Variants in PCDH11X observed in about 807,000 individuals in gnomAD.
The protein encoded by PCDH11X is protocadherin 11 X-linked.
A neutral mutation model predicts 53.3 loss-of-function variants in PCDH11X; 18 were observed. The ratio of observed to expected loss-of-function variants is 0.34; its 90% CI spans 0.23 to 0.50. PCDH11X has a LOEUF of 0.50. Ranked by LOEUF, PCDH11X falls within the 20% of genes least tolerant of loss-of-function variation. PCDH11X has a pLI of 0.98. For synonymous variants in PCDH11X, 279 were observed against 393.3 expected (o/e 0.71, Z 3.44); for missense variants, 570 against 1,032.4 (o/e 0.55, Z 6.14).
chrX:92,618,616 C>G lies in PCDH11X; in HGVS notation c.3720C>G (p.Ala1240=). 1.7e-6 allele frequency: 2 copies of G among 1,212,018 alleles called. No homozygotes were observed. The highest frequency in any genetic ancestry group is 2.2e-6 in the Non-Finnish European group (2 of 895,526). ...ALHHSPPSAQ[A]SALCYSPPLA... ...ACCACAGCCCACCATCAGCACAGGC[C>G]TCAGCCCTCTGCTACAGCCCTCCTT... The change falls in exon 11 of 11, where the codon GCC becomes GCG. Residue 1240 remains alanine, a synonymous_variant. Transcript: ENST00000682573.
chrX:92,070,405 T>G (rs2063681971), intron 6 of PCDH11X, among the ~76,000 whole-genome samples: 1 of 111,886 alleles, frequency 8.9e-6, no homozygotes, highest in Admixed American at 9.5e-5. Context: ...TATTTCTCCT[T>G]CATGCTTACA....
intron 7 of PCDH11X, among the ~76,000 whole-genome samples, chrX:92,253,599 T>C (rs2067502713): frequency 8.9e-6 from 1 of 112,091 alleles, no homozygotes. Flanking sequence ...ATTTTTGGTG[T>C]CCTCTTCAAT....
At chrX:91,943,724 A>G (rs1368015578) in intron 6 of PCDH11X, among the ~76,000 whole-genome samples, 2 of 98,760 alleles carry the variant, frequency 2.0e-5, no homozygotes, top group Non-Finnish European at 4.1e-5. Flanking sequence ...TTAGAAGTTA[A>G]CAACACAATC....
intron 10 of PCDH11X, among the ~76,000 whole-genome samples, chrX:92,526,087 C>T (rs2074448632): frequency 9.0e-6 from 1 of 111,245 alleles, no homozygotes; most frequent in Non-Finnish European, 1.9e-5. Context: ...AAATAAAATT[C>T]ATTCTTAATT....
intron 10 of PCDH11X, among the ~76,000 whole-genome samples, chrX:92,516,043 C>T (rs1377979497): frequency 1.8e-5 from 2 of 111,864 alleles, no homozygotes; most frequent in Non-Finnish European, 3.8e-5. Flanking sequence ...TGCTTATAAG[C>T]TTCTATTTTA....
chrX:92,472,709 A>G (rs1394038947), intron 10 of PCDH11X, among the ~76,000 whole-genome samples: 1 of 110,951 alleles, frequency 9.0e-6, no homozygotes, highest in African/African-American at 3.3e-5. Flanking sequence ...ACATTGTTTT[A>G]GGCAGGATGA....
intron 8 of PCDH11X, among the ~76,000 whole-genome samples, chrX:92,281,493 G>A (rs1327916797): frequency 1.8e-5 from 2 of 112,186 alleles, no homozygotes; most frequent in Admixed American, 9.5e-5. Context: ...TACTAAGTTG[G>A]ATCTGGAAAT....
chrX:91,942,529 A>T (rs1330700456), intron 6 of PCDH11X, among the ~76,000 whole-genome samples: 5 of 110,890 alleles, frequency 4.5e-5, no homozygotes, highest in African/African-American at 1.3e-4. Context: ...TAAGCTGATT[A>T]GTCCTATATC....
At position 92,167,230 on chromosome X, in the gene PCDH11X, A is replaced by C. The variant is rs766617264; in HGVS notation, c.3034-34145A>C. ...TAAAACTGGAAGTTATATTGCTGACAGGGAATCTTCTCTTAAGAACTTTAA... is the reference window on the plus strand; with the variant it reads ...TAAAACTGGAAGTTATATTGCTGACCGGGAATCTTCTCTTAAGAACTTTAA... On this transcript the variant is annotated intron_variant, in intron 6 of 10. Transcript: ENST00000682573. 1.1e-4 allele frequency among the ~76,000 whole-genome samples: 12 copies of C among 111,612 alleles called. 1 individual carries two copies. Among genetic ancestry groups the C allele is most frequent in the Middle Eastern group, 9.3e-3 (2 of 215 alleles).
At chrX:92,448,162 C>A (rs768123796) in intron 9 of PCDH11X, among the ~76,000 whole-genome samples, 1 of 104,356 alleles carries the variant, frequency 9.6e-6, no homozygotes, top group Admixed American at 1.0e-4. Flanking sequence ...GGACTGTGGA[C>A]TTTTGAGTTA....
At chrX:92,196,543 C>G (rs2066294940) in intron 6 of PCDH11X, among the ~76,000 whole-genome samples, 1 of 111,166 alleles carries the variant, frequency 9.0e-6, no homozygotes, top group South Asian at 3.8e-4. Flanking sequence ...TAATGTCTGC[C>G]TTACCCGTTC....
intron 1 of PCDH11X, among the ~76,000 whole-genome samples, chrX:91,802,616 A>C (rs1935972416): frequency 9.0e-6 from 1 of 111,677 alleles, no homozygotes; most frequent in Admixed American, 9.6e-5. Flanking sequence ...ATCTTTACTT[A>C]TTGATGTAGT....
intron 9 of PCDH11X, among the ~76,000 whole-genome samples, chrX:92,440,855 T>C: frequency 9.0e-6 from 1 of 111,168 alleles, no homozygotes; most frequent in East Asian, 2.9e-4. Context: ...GTTGGAACAA[T>C]TTGGAGGGCT....
chrX:91,943,515 T>C (rs1282590458), intron 6 of PCDH11X, among the ~76,000 whole-genome samples: 4 of 110,209 alleles, frequency 3.6e-5, no homozygotes, highest in Non-Finnish European at 5.7e-5. Flanking sequence ...ATAGCAAATA[T>C]AAGAAAAATA....
At chrX:91,939,439 A>G (rs1359857294) in intron 6 of PCDH11X, among the ~76,000 whole-genome samples, 1 of 110,854 alleles carries the variant, frequency 9.0e-6, no homozygotes, top group Non-Finnish European at 1.9e-5. Flanking sequence ...ATTTGAGTTA[A>G]TAATGGCAAA....
In PCDH11X at chrX:92,459,683, G is replaced by C. The variant is rs986413021; in HGVS notation, c.3344-8616G>C. 10 of 1,092,123 alleles carry C rather than the reference G, an allele frequency of 9.2e-6. No homozygotes were observed. In the African/African-American group the frequency reaches 1.8e-4, roughly 20 times the overall value. 90.0% of individuals were successfully genotyped at this position (1,092,123 alleles called of 1,213,427 possible). On this transcript the variant is annotated intron_variant, in intron 9 of 10. Coordinates refer to ENST00000682573, the MANE Select transcript of PCDH11X (RefSeq NM_032968.5). ...CCGGACAGCATGAGCTTCACCACTC[G>C]GTCCACCTTCTCCACCAACTACCAG...
intron 8 of PCDH11X, among the ~76,000 whole-genome samples, chrX:92,315,875 C>A (rs1249341491): frequency 9.3e-6 from 1 of 107,242 alleles, no homozygotes; most frequent in Admixed American, 1.0e-4. Flanking sequence ...TCACTTATTG[C>A]GGCTGTATGT....
intron 6 of PCDH11X, among the ~76,000 whole-genome samples, chrX:92,174,229 G>GA (rs201018595): frequency 0.046 from 4,856 of 105,499 alleles, 265 homozygotes; most frequent in East Asian, 0.42. Context: ...AATACAAAAA[G>GA]AAAAAAAAAC....
At chrX:91,881,561 A>C (rs1184829001) in intron 6 of PCDH11X, among the ~76,000 whole-genome samples, 1 of 111,746 alleles carries the variant, frequency 8.9e-6, no homozygotes. Context: ...GATACTAAAA[A>C]TAATTTGAAT....
Sources: gnomAD v4.1 joint callset for allele counts (sites outside exome capture counted in the v4.1 genomes callset) on GRCh38, gnomAD v4.1.1 for gene constraint, MANE v1.5 for transcripts, NCBI Gene and HGNC (gene_info 2026-07-23, HGNC 2026-07-21) for gene names.